Variants in SLC23A2 observed in about 807,000 individuals in gnomAD.
The protein encoded by SLC23A2 is solute carrier family 23 member 2, also known as Na(+)/L-ascorbic acid transporter 2.
A neutral mutation model predicts 73.3 loss-of-function variants in SLC23A2; 36 were observed. That is an observed-to-expected ratio of 0.49 (90% CI 0.38 to 0.65). SLC23A2 has a LOEUF of 0.65. Among genes scored for constraint, SLC23A2 ranks in the 30% least tolerant of loss-of-function variants. The probability of loss-of-function intolerance (pLI) is 0.00; values close to 1 mark genes in which losing one functional copy is unlikely to be tolerated. For missense variants in SLC23A2, 507 were observed against 841.6 expected (o/e 0.60, Z 4.92); for synonymous variants, 343 against 327.3 (o/e 1.05, Z -0.52).
chr20:5,001,066 C>A (rs2088113536), intron 1 of SLC23A2, among the ~76,000 whole-genome samples: 1 of 152,018 alleles, frequency 6.6e-6, no homozygotes, highest in Non-Finnish European at 1.5e-5. Flanking sequence ...GTTCTGGGGG[C>A]GCCCCATTTG....
chr20:4,962,430 G>A (rs1195842946), intron 2 of SLC23A2, among the ~76,000 whole-genome samples: 1 of 152,296 alleles, frequency 6.6e-6, no homozygotes, highest in East Asian at 1.9e-4. Context: ...CACAGAGCTG[G>A]AGCACCAGGA....
At position 4,947,305 on chromosome 20, in the gene SLC23A2, T is replaced by C. The variant is rs1426480562; in HGVS notation, c.-154-14589A>G. Among the ~76,000 whole-genome samples the C allele has an allele frequency of 6.6e-6, 1 of 152,188 alleles. No individual in the cohort carries two copies. Among genetic ancestry groups the C allele is most frequent in the African/African-American group, 2.4e-5 (1 of 41,442 alleles). On this transcript the variant is annotated intron_variant, in intron 2 of 16. Coordinates refer to ENST00000338244, the MANE Select transcript of SLC23A2 (RefSeq NM_005116.6). This position sits in a 1 kb window ranked among gnomAD's most constrained non-coding sequence, Gnocchi z 4.4. Reference sequence around the variant, plus strand: ...TGAAAGGGGAAAGGGAGGGGCAGTATAGCAAAAAGTGCAGCCTGCATGACA... The same window carrying C: ...TGAAAGGGGAAAGGGAGGGGCAGTACAGCAAAAAGTGCAGCCTGCATGACA...
intron 9 of SLC23A2, among the ~76,000 whole-genome samples, chr20:4,876,221 T>C (rs1930649005): frequency 6.6e-6 from 1 of 152,194 alleles, no homozygotes. Context: ...TGCTACTTAT[T>C]TGTTTCAGAG....
intron 1 of SLC23A2, among the ~76,000 whole-genome samples, chr20:4,983,270 G>A (rs1252471917): frequency 6.6e-6 from 1 of 152,086 alleles, no homozygotes; most frequent in African/African-American, 2.4e-5. Flanking sequence ...TGGTTTCTAA[G>A]ATATGACACC....
At position 4,946,988 on chromosome 20, in the gene SLC23A2, A is replaced by G. The variant is rs148144923; in HGVS notation, c.-154-14272T>C. On this transcript the variant is annotated intron_variant, in intron 2 of 16. Coordinates refer to ENST00000338244, the MANE Select transcript of SLC23A2 (RefSeq NM_005116.6). Reference sequence around the variant, plus strand: ...CAAAACTTTATTTAAATAAAATTATAACAAGACCATCTTAAGCCTCGTCAT... The same window carrying G: ...CAAAACTTTATTTAAATAAAATTATGACAAGACCATCTTAAGCCTCGTCAT... 3.3e-5 allele frequency among the ~76,000 whole-genome samples: 5 copies of G among 152,314 alleles called. No individual in the cohort carries two copies. The East Asian group carries it at 9.6e-4, about 29-fold the overall frequency.
chr20:4,890,991 C>T (rs1341229675), intron 6 of SLC23A2, among the ~76,000 whole-genome samples: 7 of 152,178 alleles, frequency 4.6e-5, no homozygotes, highest in South Asian at 4.1e-4. Context: ...GATGACAACA[C>T]ATTCCTTAAA....
intron 13 of SLC23A2, among the ~76,000 whole-genome samples, 176 bp downstream of exon 13, chr20:4,867,594 G>C (rs1173735197): frequency 2.4e-5 from 3 of 124,318 alleles, no homozygotes; most frequent in African/African-American, 9.4e-5. Flanking sequence ...AGCAAGAGAA[G>C]AGAGACTTCC....
intron 1 of SLC23A2, among the ~76,000 whole-genome samples, chr20:5,000,343 C>A (rs1172464700): frequency 3.3e-5 from 5 of 152,140 alleles, no homozygotes; most frequent in Admixed American, 3.3e-4. Flanking sequence ...CCAATTCCAG[C>A]CTTTTGCTTC....
intron 4 of SLC23A2, among the ~76,000 whole-genome samples, chr20:4,907,196 G>C (rs1291700067): frequency 2.6e-5 from 4 of 152,162 alleles, no homozygotes; most frequent in African/African-American, 4.8e-5. Flanking sequence ...CCAGAAACCA[G>C]GTCACAGAAG....
At chr20:4,961,302 C>T (rs570637986) in intron 2 of SLC23A2, among the ~76,000 whole-genome samples, 10 of 152,060 alleles carry the variant, frequency 6.6e-5, no homozygotes, top group East Asian at 1.9e-4. Flanking sequence ...AGGATGGTCT[C>T]GATCTCCCTG....
intron 6 of SLC23A2, among the ~76,000 whole-genome samples, chr20:4,889,160 G>T (rs561554812): frequency 6.6e-6 from 1 of 152,322 alleles, no homozygotes; most frequent in African/African-American, 2.4e-5. Context: ...ATGTGACGGT[G>T]TGAAATGCTG....
At chr20:4,922,298 G>A (rs1031220626) in intron 3 of SLC23A2, among the ~76,000 whole-genome samples, 5 of 152,128 alleles carry the variant, frequency 3.3e-5, no homozygotes, top group Non-Finnish European at 7.3e-5. Flanking sequence ...AGGCTGTGGG[G>A]CAGGGAGATC....
Position 4,883,576 on chromosome 20 carries a change from A to G in SLC23A2, c.824+66T>C, listed in dbSNP as rs1930977169. 1.1e-5 allele frequency: 12 copies of G among 1,096,092 alleles called. No homozygotes were observed. Among genetic ancestry groups the G allele is most frequent in the Non-Finnish European group, 1.6e-5 (12 of 755,920 alleles). The allele number at this position is 1,096,092 out of a possible 1,614,324, so 67.9% of individuals were successfully genotyped here. ...ATTATTGAAAAACATTATCTCCTGA[A>G]GTCTGTGTGAATGTTCCTAAAGGCT... is the stretch of plus-strand genomic sequence containing the variant. On this transcript the variant is annotated intron_variant, in intron 9 of 16. Transcript: ENST00000338244. The surrounding 1 kb of genome is among the most constrained non-coding windows in gnomAD (Gnocchi z 4.5).
In SLC23A2 at chr20:4,870,069, A is replaced by C. The variant is rs1191581646; in HGVS notation, c.1103-16T>G. On this transcript the variant is annotated splice_polypyrimidine_tract_variant and intron_variant, in intron 11 of 16. Coordinates refer to ENST00000338244, the MANE Select transcript of SLC23A2 (RefSeq NM_005116.6). Reference sequence around the variant, plus strand: ...CCCCACTGAACTGTGGGAGGAAAACAACCATGAATGCTCCTAGAGAGGCAG... The same window carrying C: ...CCCCACTGAACTGTGGGAGGAAAACCACCATGAATGCTCCTAGAGAGGCAG... 3 of 1,581,190 alleles carry C rather than the reference A, an allele frequency of 1.9e-6. No individual in the cohort carries two copies. Among genetic ancestry groups the C allele is most frequent in the Admixed American group, 3.6e-5 (2 of 55,630 alleles).
At chr20:4,892,939 A>G (rs1443688989) in intron 6 of SLC23A2, among the ~76,000 whole-genome samples, 1 of 152,162 alleles carries the variant, frequency 6.6e-6, no homozygotes, top group African/African-American at 2.4e-5. Context: ...TACGAACTGC[A>G]TATGAGATGA....
chr20:4,958,724 G>C (rs983323477), intron 2 of SLC23A2, among the ~76,000 whole-genome samples: 1 of 151,766 alleles, frequency 6.6e-6, no homozygotes, highest in African/African-American at 2.4e-5. Context: ...CACCGCGCCT[G>C]GCTGAGTAGC....
At chr20:4,935,768 CAG>C (rs2086953492) in intron 2 of SLC23A2, among the ~76,000 whole-genome samples, 1 of 152,004 alleles carries the variant, frequency 6.6e-6, no homozygotes, top group South Asian at 2.1e-4. Flanking sequence ...CACTGCACTC[CAG>C]CCTGGGCGAC....
chr20:4,995,559 G>A (rs1487926420), intron 1 of SLC23A2, among the ~76,000 whole-genome samples: 4 of 151,908 alleles, frequency 2.6e-5, no homozygotes, highest in African/African-American at 2.4e-5. Flanking sequence ...TGCCTCTCCT[G>A]CTCCACCCTT....
rs1413015679 is a variant in SLC23A2, at chr20:4,857,700, G to C, written c.1721-496C>G. On this transcript the variant is annotated intron_variant, in intron 16 of 16. Transcript: ENST00000338244. The surrounding 1 kb of genome is among the most constrained non-coding windows in gnomAD (Gnocchi z 4.0). Reference sequence around the variant, plus strand: ...AATCCAAGCACTTTGGGAGGCCGAGGTGAGAGGATCACATGAAGTCAGGAG... The same window carrying C: ...AATCCAAGCACTTTGGGAGGCCGAGCTGAGAGGATCACATGAAGTCAGGAG... Among the ~76,000 whole-genome samples the C allele has an allele frequency of 6.6e-6, 1 of 152,146 alleles. No individual in the cohort carries two copies. Among genetic ancestry groups the C allele is most frequent in the Non-Finnish European group, 1.5e-5 (1 of 68,034 alleles).
Sources: allele counts gnomAD v4.1 joint callset (sites outside exome capture counted in the v4.1 genomes callset), GRCh38; gene constraint gnomAD v4.1.1; non-coding constraint Gnocchi (gnomAD v3.1); transcripts MANE v1.5; gene names NCBI Gene and HGNC (gene_info 2026-07-23, HGNC 2026-07-21).